EPHA1: variants seen among roughly 807,000 people sequenced by gnomAD.
EPHA1 encodes the protein EPH receptor A1.
EPHA1 carries 92 observed loss-of-function variants against 110.1 expected under a neutral mutation model. The observed-to-expected ratio is 0.84, with a 90% CI of 0.71 to 0.99. EPHA1 has a LOEUF of 0.99. EPHA1 is among the 50% of genes least tolerant of loss of function. EPHA1 has a pLI of 0.00. For missense variants in EPHA1, 1,204 were observed against 1,285.4 expected (o/e 0.94, Z 0.97); for synonymous variants, 500 against 516.1 (o/e 0.97, Z 0.42).
chr7:143,401,450 G>A lies in EPHA1; in HGVS notation c.306C>T (p.Thr102=), dbSNP rs547423890. 339 of 1,614,078 alleles carry A rather than the reference G, an allele frequency of 2.1e-4. 4 individuals carry two copies. The South Asian group carries it at 3.1e-3, about 15-fold the overall frequency. The change falls in exon 3 of 18, where the codon ACC becomes ACT. Residue 102 remains threonine (T), a synonymous_variant. Transcript: ENST00000275815. This position sits in a 1 kb window ranked among gnomAD's most constrained non-coding sequence, Gnocchi z 4.1. ...CAGGGAAACTCTTGCAGTCCCGCAC[G>A]GTGAACTGCAGCTCCACGTGGACGC... ...ASRVHVELQF[T]VRDCKSFPGG... is the part of the protein sequence containing the mutation.
Position 143,395,348 on chromosome 7 carries a change from A to C in EPHA1, c.2054T>G (p.Ile685Ser). The C allele has an allele frequency of 2.5e-6, 4 of 1,614,202 alleles. No homozygotes were observed. Among genetic ancestry groups the C allele is most frequent in the Non-Finnish European group, 2.5e-6 (3 of 1,180,044 alleles). ...TGTGACGACGCCTTCCAGATGCAGA[A>C]TATGCGGGTGGCTAAACTGGCCCAT... ...TIMGQFSHPH[I>S]LHLEGVVTKR... The change falls in exon 12 of 18, where the codon ATT becomes AGT. Residue 685 changes from isoleucine to serine, a missense_variant. Transcript: ENST00000275815. This position sits in a 1 kb window ranked among gnomAD's most constrained non-coding sequence, Gnocchi z 4.7.
chr7:143,396,639 G>A, intron 10 of EPHA1, 129 bp from the exon 11 acceptor site: 1 of 1,150,082 alleles, frequency 8.7e-7, no homozygotes, highest in African/African-American at 1.5e-5. Flanking sequence ...CTCCTGTTTG[G>A]GCTGAGGTGG....
intron 17 of EPHA1, 35 bp downstream of exon 17, chr7:143,391,585 A>G (rs1805084459): frequency 6.2e-7 from 1 of 1,614,132 alleles, no homozygotes. Context: ...CCACCCCCGC[A>G]GCCCTCCCCT....
intron 2 of EPHA1, among the ~76,000 whole-genome samples, chr7:143,405,941 C>T (rs1805537279): frequency 2.6e-5 from 4 of 152,160 alleles, no homozygotes; most frequent in Admixed American, 2.6e-4. Context: ...GTTCCAGAGC[C>T]AGAGTTGTAG....
Position 143,399,763 on chromosome 7 carries a change from G to T in EPHA1, c.723C>A (p.Pro241=). 6.2e-7 allele frequency: 1 copy of T among 1,613,500 alleles called. No homozygotes were observed. The highest frequency in any genetic ancestry group is 8.5e-7 in the Non-Finnish European group (1 of 1,179,892). Residue 241 remains proline, a synonymous_variant, in exon 4 of 18, where the codon CCC becomes CCA. Transcript: ENST00000275815. ...CLPHARASPR[P]SGAPRMHCSP... The stretch of plus-strand genomic sequence containing the variant: ...TGCAGTGCATGCGGGGTGCACCTGA[G>T]GGCCTGGGGCTGGCCCGCGCGTGGG...
At chr7:143,400,732 G>A (rs572093001) in intron 3 of EPHA1, 116 of 154,568 alleles carry the variant, frequency 7.5e-4, no homozygotes, top group Non-Finnish European at 1.4e-3. Flanking sequence ...TGTGATCTCA[G>A]TGGATGCTTA....
In EPHA1 at chr7:143,401,065, T is replaced by C. The variant is rs1805400624; in HGVS notation, c.432+259A>G. 1.9e-6 allele frequency: 1 copy of C among 516,140 alleles called. No individual in the cohort carries two copies. Among genetic ancestry groups the C allele is most frequent in the Non-Finnish European group, 3.5e-6 (1 of 289,260 alleles). 32.0% of individuals were successfully genotyped at this position (516,140 alleles called of 1,614,324 possible). Reference sequence around the variant, plus strand: ...TGGGCCACCATGCCCAGGTGATTTTTAATTTTTTGCAGAGATGAAGTTTTG... The same window carrying C: ...TGGGCCACCATGCCCAGGTGATTTTCAATTTTTTGCAGAGATGAAGTTTTG... On this transcript the variant is annotated intron_variant, in intron 3 of 17. Coordinates refer to ENST00000275815, the MANE Select transcript of EPHA1 (RefSeq NM_005232.5). This position sits in a 1 kb window ranked among gnomAD's most constrained non-coding sequence, Gnocchi z 4.1.
intron 1 of EPHA1, 33 bp downstream of exon 1, chr7:143,408,691 G>A: frequency 2.0e-6 from 1 of 494,736 alleles, no homozygotes; most frequent in Non-Finnish European, 3.1e-6. Context: ...GGCGGGGCGC[G>A]GGGGTTGGGG....
chr7:143,394,118 A>G, intron 15 of EPHA1, 76 bp downstream of exon 15: 1 of 1,509,012 alleles, frequency 6.6e-7, no homozygotes, highest in South Asian at 1.3e-5. Flanking sequence ...TTGCAGGAAA[A>G]GGCCATGGGA....
chr7:143,399,995 A>G lies in EPHA1; in HGVS notation c.491T>C (p.Val164Ala), dbSNP rs751226403. The G allele has an allele frequency of 5.8e-5, 93 of 1,613,712 alleles. No individual in the cohort carries two copies. Among genetic ancestry groups the G allele is most frequent in the Non-Finnish European group, 7.5e-5 (88 of 1,179,910 alleles). Residue 164 changes from valine to alanine, a missense_variant, in exon 4 of 18, where the codon GTG (valine) becomes GCG (alanine). Coordinates refer to ENST00000275815, the MANE Select transcript of EPHA1 (RefSeq NM_005232.5). ...AGAGCAGCGCTCCACATTCAGCTTC[A>G]CGGAGCCAGACACAAGGTCTCGAAT... ...FTIRDLVSGS[V>A]KLNVERCSLG...
rs1563118730 is a variant in EPHA1, at chr7:143,399,809, T to A, written c.677A>T (p.Glu226Val). The A allele has an allele frequency of 6.2e-7, 1 of 1,611,952 alleles. No individual in the cohort carries two copies. Among genetic ancestry groups the A allele is most frequent in the Non-Finnish European group, 8.5e-7 (1 of 1,179,066 alleles). The stretch of plus-strand genomic sequence containing the variant: ...GTGGGGCAAGCAGGTCCCCGCCACT[T>A]CCACCAACCCAGCGGGGCCAGGCAG... ...DTLPGPAGLV[E>V]VAGTCLPHAR... The change falls in exon 4 of 18, where the codon GAA becomes GTA. Residue 226 changes from glutamate (E) to valine (V), a missense_variant. Physicochemically the swap from Glu to Val is moderately radical, Grantham distance 121. Coordinates refer to ENST00000275815, the MANE Select transcript of EPHA1 (RefSeq NM_005232.5).
chr7:143,398,049 C>T lies in EPHA1; in HGVS notation c.1486G>A (p.Val496Ile), dbSNP rs2116623305. 3 of 1,614,122 alleles carry T rather than the reference C, an allele frequency of 1.9e-6. No individual in the cohort carries two copies. The South Asian group carries it at 3.3e-5, about 18-fold the overall frequency. ...GTCAGCAAGACCCTGGGTTCTAGAACCATCTGGTACCGTTCTTCATCCTGT... is the reference window on the plus strand; with the variant it reads ...GTCAGCAAGACCCTGGGTTCTAGAATCATCTGGTACCGTTCTTCATCCTGT... ...LNQDEERYQMVLEPRVLLTEL... is the reference protein window; with the variant it reads ...LNQDEERYQMILEPRVLLTEL... Residue 496 changes from valine to isoleucine, a missense_variant, in exon 8 of 18, where the codon GTT (valine) becomes ATT (isoleucine). Physicochemically the swap from Val to Ile is conservative, Grantham distance 29. Transcript: ENST00000275815.
At chr7:143,398,526 C>T in intron 6 of EPHA1, 75 bp downstream of exon 6, 1 of 1,608,324 alleles carries the variant, frequency 6.2e-7, no homozygotes. Flanking sequence ...GGCTTCCTGC[C>T]CATCAGTTTG....
intron 2 of EPHA1, 104 bp downstream of exon 2, chr7:143,407,503 ACTTC>A: frequency 9.6e-7 from 1 of 1,045,934 alleles, no homozygotes; most frequent in East Asian, 2.9e-5. Flanking sequence ...CTGAGGAGAC[ACTTC>A]CAGTTTTTCC....
In EPHA1 at chr7:143,399,674, C is replaced by T. The variant is rs1264578895; in HGVS notation, c.812G>A (p.Gly271Asp). 6.2e-7 allele frequency: 1 copy of T among 1,613,494 alleles called. No individual in the cohort carries two copies. Among genetic ancestry groups the T allele is most frequent in the Non-Finnish European group, 8.5e-7 (1 of 1,180,034 alleles). ...ACCAACACATGCTTCGCCACTGCCA[C>T]CTTCCTCATAGCCAGGCTCACAGTG... ...RCHCEPGYEE[G>D]GSGEACVACP... Residue 271 changes from glycine (G) to aspartate (D), a missense_variant, in exon 4 of 18, where the codon GGT becomes GAT. By Grantham distance (94) the Gly-to-Asp change is moderately conservative. Transcript: ENST00000275815.
At chr7:143,392,367 G>A (rs1046272756) in intron 16 of EPHA1, among the ~76,000 whole-genome samples, 1 of 152,200 alleles carries the variant, frequency 6.6e-6, no homozygotes, top group Non-Finnish European at 1.5e-5. Flanking sequence ...ATTAGCACAC[G>A]CAGTCTCCAG....
rs199837219 is a variant in EPHA1, at chr7:143,398,915, A to G, written c.1022T>C (p.Phe341Ser). ...GPPSAPRNLSFSASGTQLSLR... is the reference protein window; with the variant it reads ...GPPSAPRNLSSSASGTQLSLR... Reference sequence around the variant, plus strand: ...GGAGAGCTGAGTCCCTGAGGCAGAGAAGCTCAGGTTTCGGGGGGCCGAGGG... The same window carrying G: ...GGAGAGCTGAGTCCCTGAGGCAGAGGAGCTCAGGTTTCGGGGGGCCGAGGG... The change falls in exon 6 of 18, where the codon TTC (phenylalanine) becomes TCC (serine). Residue 341 changes from phenylalanine to serine, a missense_variant. Physicochemically the swap from Phe to Ser is radical, Grantham distance 155 (BLOSUM62 -2). Transcript: ENST00000275815. The G allele has an allele frequency of 6.2e-7, 1 of 1,612,260 alleles. No individual in the cohort carries two copies. Among genetic ancestry groups the G allele is most frequent in the Non-Finnish European group, 8.5e-7 (1 of 1,179,112 alleles).
Position 143,399,476 on chromosome 7 carries a change from AC to A in EPHA1, c.836-64del, listed in dbSNP as rs576326519. On this transcript the variant is annotated intron_variant, in intron 4 of 17. Coordinates refer to ENST00000275815, the MANE Select transcript of EPHA1 (RefSeq NM_005232.5). Reference sequence around the variant, plus strand: ...TGTTTTTACAGGCAGAACCACCACCACCCCTTCCTGCCCCAATCCCTTCTAC... The same window carrying A: ...TGTTTTTACAGGCAGAACCACCACCACCCTTCCTGCCCCAATCCCTTCTAC... The A allele has an allele frequency of 6.5e-5, 100 of 1,543,232 alleles. 2 individuals carry two copies. The South Asian group carries it at 1.2e-3, about 18-fold the overall frequency.
At chr7:143,407,771 G>T in intron 1 of EPHA1, 93 bp from the exon 2 acceptor site, 1 of 1,143,234 alleles carries the variant, frequency 8.7e-7, no homozygotes, top group Non-Finnish European at 1.3e-6. Context: ...GCCCCAGGCT[G>T]CAACATCCTG....
Sources: gnomAD v4.1 joint callset for allele counts (sites outside exome capture counted in the v4.1 genomes callset) on GRCh38, gnomAD v4.1.1 for gene constraint, Gnocchi (gnomAD v3.1) non-coding constraint, MANE v1.5 for transcripts, NCBI Gene and HGNC (gene_info 2026-07-23, HGNC 2026-07-21) for gene names.